Variants in GABRA3 observed in about 807,000 individuals in gnomAD.
The protein encoded by GABRA3 is gamma-aminobutyric acid type A receptor subunit alpha3.
GABRA3 carries 10 observed loss-of-function variants against 30.1 expected under a neutral mutation model. The observed-to-expected ratio is 0.33, with a 90% CI of 0.20 to 0.56. The LOEUF is 0.56. Ranked by LOEUF, GABRA3 falls within the 20% of genes least tolerant of loss-of-function variation. The pLI, the probability that GABRA3 is intolerant of heterozygous loss-of-function variation, is 0.89. For synonymous variants in GABRA3, 151 were observed against 146.8 expected (o/e 1.03, Z -0.21); for missense variants, 233 against 392.0 (o/e 0.59, Z 3.42).
At chrX:152,234,384 G>A (rs1938154705) in intron 5 of GABRA3, among the ~76,000 whole-genome samples, 1 of 110,247 alleles carries the variant, frequency 9.1e-6, no homozygotes, top group Admixed American at 9.7e-5. Flanking sequence ...TTTGTTGGAG[G>A]CATAGTTTGC....
chrX:152,209,260 G>A (rs1937609119), intron 6 of GABRA3, among the ~76,000 whole-genome samples: 1 of 111,531 alleles, frequency 9.0e-6, no homozygotes, highest in South Asian at 3.8e-4. Context: ...AGGGGCGTGA[G>A]TAAGGGAAAT....
chrX:152,284,098 G>A (rs1939246160), intron 4 of GABRA3, among the ~76,000 whole-genome samples: 1 of 111,593 alleles, frequency 9.0e-6, no homozygotes, highest in Non-Finnish European at 1.9e-5. Context: ...TCCCTTGCTT[G>A]TTCTGCTGTG....
At chrX:152,241,169 G>T (rs1938357030) in intron 5 of GABRA3, among the ~76,000 whole-genome samples, 1 of 99,525 alleles carries the variant, frequency 1.0e-5, no homozygotes, top group African/African-American at 3.5e-5. Context: ...TGTACAGATG[G>T]GTTTTCGGTG....
At chrX:152,444,734 G>GTTTTTTTTTGTT (rs1931023024) in intron 1 of GABRA3, among the ~76,000 whole-genome samples, 1 of 40,389 alleles carries the variant, frequency 2.5e-5, no homozygotes, top group Non-Finnish European at 4.7e-5. Flanking sequence ...ATACTTGTGT[G>GTTTTTTTTTGTT]TTTTTTTTTT....
intron 3 of GABRA3, among the ~76,000 whole-genome samples, chrX:152,327,513 A>G (rs1940083874): frequency 8.9e-6 from 1 of 112,208 alleles, no homozygotes; most frequent in Admixed American, 9.5e-5. Context: ...CTCAGACCAC[A>G]GTGCAATCAA....
Position 152,451,180 on chromosome X carries a change from A to G in GABRA3, c.-61T>C, listed in dbSNP as rs1931213474. 8.9e-6 allele frequency: 1 copy of G among 112,312 alleles called. No homozygotes were observed. Among genetic ancestry groups the G allele is most frequent in the African/African-American group, 3.2e-5 (1 of 30,903 alleles). The allele number at this position is 112,312 out of a possible 1,213,427, so 9.3% of individuals were successfully genotyped here. A position where few individuals can be genotyped will look rare whatever the true frequency, so the allele number is the denominator to read the frequency against. ...CAGTCTGAGCGGAAAGGAGAGAAGG[A>G]TGAATGAACTGAAACAAGTTGGAGG... On this transcript the variant is annotated 5_prime_UTR_variant, in exon 1 of 10. Transcript: ENST00000370314.
At chrX:152,207,587 T>C (rs1937573351) in intron 7 of GABRA3, among the ~76,000 whole-genome samples, 1 of 112,279 alleles carries the variant, frequency 8.9e-6, no homozygotes, top group Non-Finnish European at 1.9e-5. Flanking sequence ...TGACCTTTTC[T>C]GGGATTAGTT....
Position 152,167,911 on chromosome X carries a change from T to C in GABRA3, c.*317A>G, listed in dbSNP as rs1043876724. Reference sequence around the variant, plus strand: ...CCACTATGGAGAGTAGAATCTCTTGTTCTTTTTGCAGCGGGCAGAGTGCAA... The same window carrying C: ...CCACTATGGAGAGTAGAATCTCTTGCTCTTTTTGCAGCGGGCAGAGTGCAA... On this transcript the variant is annotated 3_prime_UTR_variant, in exon 10 of 10. Coordinates refer to ENST00000370314, the MANE Select transcript of GABRA3 (RefSeq NM_000808.4). 1 of 282,875 alleles carries C rather than the reference T, an allele frequency of 3.5e-6. No individual in the cohort carries two copies. The highest frequency in any genetic ancestry group is 6.2e-6 in the Non-Finnish European group (1 of 160,522). 23.3% of individuals were successfully genotyped at this position (282,875 alleles called of 1,213,427 possible).
At chrX:152,381,689 C>A (rs1184796567) in intron 1 of GABRA3, among the ~76,000 whole-genome samples, 1 of 109,867 alleles carries the variant, frequency 9.1e-6, no homozygotes, top group Non-Finnish European at 1.9e-5. Context: ...CTAACACTAT[C>A]CCTCCCCTAA....
At chrX:152,368,737 G>A (rs774000724) in intron 1 of GABRA3, among the ~76,000 whole-genome samples, 1,499 of 75,901 alleles carry the variant, frequency 0.02, 23 homozygotes, top group Non-Finnish European at 0.027. Flanking sequence ...ACAGAGTCTC[G>A]CTCTGTCGCC....
At chrX:152,258,756 C>T (rs73241877) in intron 4 of GABRA3, among the ~76,000 whole-genome samples, 17,379 of 110,906 alleles carry the variant, frequency 0.16, 1,228 homozygotes, top group South Asian at 0.36. Context: ...CAATAGAAAC[C>T]AAAAAGACAA....
chrX:152,290,184 T>A (rs1939380198), intron 3 of GABRA3, among the ~76,000 whole-genome samples: 1 of 111,227 alleles, frequency 9.0e-6, no homozygotes, highest in Non-Finnish European at 1.9e-5. Flanking sequence ...ATCTGTTCTT[T>A]CCTTTTTAAT....
Position 152,168,570 on chromosome X carries a change from G to A in GABRA3, c.1144-7C>T, listed in dbSNP as rs2124320859. The A allele has an allele frequency of 2.5e-6, 3 of 1,178,623 alleles. No homozygotes were observed. The East Asian group carries it at 8.9e-5, about 35-fold the overall frequency. On this transcript the variant is annotated splice_polypyrimidine_tract_variant and splice_region_variant and intron_variant, in intron 9 of 9. Transcript: ENST00000370314. ...GGGCTGCTGGTGTTTTCTTCTAGAGGCCAGGAAAAAGAGGGGGGGAAAGGG... is the reference window on the plus strand; with the variant it reads ...GGGCTGCTGGTGTTTTCTTCTAGAGACCAGGAAAAAGAGGGGGGGAAAGGG...
chrX:152,184,458 CAA>C (rs1937227114), intron 9 of GABRA3, among the ~76,000 whole-genome samples: 1 of 111,019 alleles, frequency 9.0e-6, no homozygotes, highest in African/African-American at 3.3e-5. Context: ...TGTCAGTATG[CAA>C]AAACTTTCCT....
At chrX:152,348,707 C>T (rs1309977344) in intron 2 of GABRA3, among the ~76,000 whole-genome samples, 2 of 111,893 alleles carry the variant, frequency 1.8e-5, no homozygotes, top group Non-Finnish European at 3.8e-5. Context: ...TTTGGTTTCC[C>T]GTGCATGTAA....
At chrX:152,168,881 A>G (rs1569344094) in intron 9 of GABRA3, among the ~76,000 whole-genome samples, 2 of 112,426 alleles carry the variant, frequency 1.8e-5, no homozygotes, top group Admixed American at 1.9e-4. Flanking sequence ...AGAGGATCAG[A>G]TAAGAGAATG....
chrX:152,255,096 A>G (rs1046973257), intron 5 of GABRA3, among the ~76,000 whole-genome samples: 2 of 111,252 alleles, frequency 1.8e-5, no homozygotes, highest in African/African-American at 6.5e-5. Flanking sequence ...ATGAAATATA[A>G]TTTATATTTT....
At chrX:152,439,496 A>C (rs749346860) in intron 1 of GABRA3, among the ~76,000 whole-genome samples, 1 of 111,317 alleles carries the variant, frequency 9.0e-6, no homozygotes, top group Non-Finnish European at 1.9e-5. Flanking sequence ...ACTCTTACAC[A>C]CTGCCGGTGG....
chrX:152,321,489 T>C lies in GABRA3; in HGVS notation c.262+24092A>G, dbSNP rs754639421. Among the ~76,000 whole-genome samples the C allele has an allele frequency of 9.8e-5, 11 of 111,788 alleles. No individual in the cohort carries two copies. In the South Asian group the frequency reaches 3.0e-3, roughly 31 times the overall value. On this transcript the variant is annotated intron_variant, in intron 3 of 9. Transcript: ENST00000370314. ...CTGTATTGAAGTCTCATGGGCATCA[T>C]TGTGAGTGCTGAGGGCCCTTGGAAA...
Sources: allele counts gnomAD v4.1 joint callset (sites outside exome capture counted in the v4.1 genomes callset), GRCh38; gene constraint gnomAD v4.1.1; transcripts MANE v1.5; gene names NCBI Gene and HGNC (gene_info 2026-07-23, HGNC 2026-07-21).